CAMK1D: variants seen among roughly 807,000 people sequenced by gnomAD.
CAMK1D encodes the protein calcium/calmodulin dependent protein kinase ID, also known as calcium/calmodulin-dependent protein kinase type 1D.
In CAMK1D, 9 loss-of-function variants were observed where a neutral mutation model predicts 47.7. The observed-to-expected ratio is 0.19, with a 90% confidence interval of 0.11 to 0.33. CAMK1D has a LOEUF of 0.33. Among genes scored for constraint, CAMK1D ranks in the 10% least tolerant of loss-of-function variants. The pLI, the probability that CAMK1D is intolerant of heterozygous loss-of-function variation, is 1.00. For synonymous variants in CAMK1D, 184 were observed against 184.9 expected (o/e 0.99, Z 0.04); for missense variants, 291 against 488.7 (o/e 0.60, Z 3.81).
intron 2 of CAMK1D, among the ~76,000 whole-genome samples, chr10:12,626,978 A>G (rs1352095567): frequency 3.3e-5 from 5 of 152,178 alleles, no homozygotes; most frequent in Admixed American, 3.3e-4. Flanking sequence ...GCAAAATCAT[A>G]AGATATATTG....
chr10:12,630,879 G>A (rs892045249), intron 2 of CAMK1D, among the ~76,000 whole-genome samples: 1 of 152,164 alleles, frequency 6.6e-6, no homozygotes, highest in Non-Finnish European at 1.5e-5. Flanking sequence ...GGACTTCAGA[G>A]GGTGCACCCA....
At chr10:12,490,288 A>G (rs1834343074) in intron 1 of CAMK1D, among the ~76,000 whole-genome samples, 1 of 152,074 alleles carries the variant, frequency 6.6e-6, no homozygotes, top group South Asian at 2.1e-4. Flanking sequence ...TGTTCTTGGA[A>G]CTGTCATTAA....
At chr10:12,516,866 A>G (rs748043075) in intron 1 of CAMK1D, among the ~76,000 whole-genome samples, 2 of 152,234 alleles carry the variant, frequency 1.3e-5, no homozygotes, top group African/African-American at 4.8e-5. Flanking sequence ...AGAGTTCTTT[A>G]TAGATGTTGC....
chr10:12,448,018 A>AT (rs914244885), intron 1 of CAMK1D, among the ~76,000 whole-genome samples: 1 of 150,946 alleles, frequency 6.6e-6, no homozygotes, highest in African/African-American at 2.4e-5. Flanking sequence ...CACCTGGCTA[A>AT]TTTTTTTCTG....
intron 2 of CAMK1D, among the ~76,000 whole-genome samples, chr10:12,603,657 G>A (rs995572964): frequency 2.0e-5 from 3 of 152,210 alleles, no homozygotes; most frequent in Non-Finnish European, 2.9e-5. Context: ...ATTAGCACCC[G>A]CTGGGGATCA....
intron 2 of CAMK1D, among the ~76,000 whole-genome samples, chr10:12,594,653 T>G (rs1338436570): frequency 1.3e-5 from 2 of 152,236 alleles, no homozygotes; most frequent in Non-Finnish European, 2.9e-5. Context: ...ATAGAAACAT[T>G]TCCCATGGTT....
intron 3 of CAMK1D, among the ~76,000 whole-genome samples, chr10:12,681,989 G>T (rs1486134137): frequency 6.6e-6 from 1 of 152,244 alleles, no homozygotes; most frequent in Non-Finnish European, 1.5e-5. Flanking sequence ...GGAGGCCCAG[G>T]TGGGCAGATC....
At chr10:12,394,945 A>G (rs753461538) in intron 1 of CAMK1D, among the ~76,000 whole-genome samples, 3 of 152,044 alleles carry the variant, frequency 2.0e-5, no homozygotes, top group Non-Finnish European at 4.4e-5. Flanking sequence ...GGGCTGGGAC[A>G]TGGTGCTGGC....
chr10:12,776,639 G>C (rs1837257700), intron 5 of CAMK1D, among the ~76,000 whole-genome samples: 1 of 152,096 alleles, frequency 6.6e-6, no homozygotes, highest in East Asian at 1.9e-4. Flanking sequence ...ATATGTTATT[G>C]AATCATTAAC....
intron 9 of CAMK1D, 46 bp downstream of exon 9, chr10:12,824,598 G>C: frequency 6.9e-7 from 1 of 1,442,902 alleles, no homozygotes; most frequent in Non-Finnish European, 9.7e-7. Context: ...ACCCCCTCGT[G>C]ACACTGGCCC....
intron 1 of CAMK1D, among the ~76,000 whole-genome samples, chr10:12,537,121 G>T (rs1215228273): frequency 6.6e-6 from 1 of 151,968 alleles, no homozygotes; most frequent in African/African-American, 2.4e-5. Flanking sequence ...GCCCAGGCTG[G>T]AGTGCAGTGG....
intron 2 of CAMK1D, among the ~76,000 whole-genome samples, chr10:12,627,690 T>C (rs1378036516): frequency 1.3e-5 from 2 of 152,246 alleles, no homozygotes; most frequent in Non-Finnish European, 2.9e-5. Context: ...TTGAGCTTCA[T>C]TCATGCTGTT....
intron 1 of CAMK1D, chr10:12,456,505 T>C (rs1168715120): frequency 6.6e-6 from 1 of 152,118 alleles, no homozygotes; most frequent in Non-Finnish European, 1.5e-5. Flanking sequence ...AGTAAAGAAA[T>C]AGGTTAACAG....
At chr10:12,547,930 A>G (rs1290391244) in intron 1 of CAMK1D, among the ~76,000 whole-genome samples, 2 of 152,220 alleles carry the variant, frequency 1.3e-5, no homozygotes, top group African/African-American at 4.8e-5. Context: ...GCTAAATGAT[A>G]AAGCAGCTGG....
At chr10:12,409,137 G>A (rs944948964) in intron 1 of CAMK1D, among the ~76,000 whole-genome samples, 31 of 152,056 alleles carry the variant, frequency 2.0e-4, no homozygotes, top group African/African-American at 7.5e-4. Context: ...TATTACAGGC[G>A]TGAGCCACTG....
intron 3 of CAMK1D, among the ~76,000 whole-genome samples, chr10:12,759,268 C>T (rs959967196): frequency 3.9e-5 from 6 of 152,124 alleles, no homozygotes; most frequent in Admixed American, 6.6e-5. Flanking sequence ...GTGGGAGGAT[C>T]GCTTAAGCCC....
At chr10:12,732,675 C>T (rs1834946973) in intron 3 of CAMK1D, among the ~76,000 whole-genome samples, 1 of 104,006 alleles carries the variant, frequency 9.6e-6, no homozygotes, top group Non-Finnish European at 2.1e-5. Context: ...CCCCCGCCCC[C>T]CCCGCCCCCT....
In CAMK1D at chr10:12,564,219, T is replaced by C. The variant is rs765707196; in HGVS notation, c.224+10863T>C. 4.0e-5 allele frequency among the ~76,000 whole-genome samples: 6 copies of C among 151,368 alleles called. No homozygotes were observed. The East Asian group carries it at 7.8e-4, about 20-fold the overall frequency. On this transcript the variant is annotated intron_variant, in intron 2 of 10. Transcript: ENST00000619168. Reference sequence around the variant, plus strand: ...TTTTAAAAAGTCAGAATAGCTTACATTGGAGAACCACACTAATGAAAGATT... The same window carrying C: ...TTTTAAAAAGTCAGAATAGCTTACACTGGAGAACCACACTAATGAAAGATT...
chr10:12,554,299 G>A (rs1265504598), intron 2 of CAMK1D, among the ~76,000 whole-genome samples: 1 of 89,206 alleles, frequency 1.1e-5, no homozygotes. Flanking sequence ...GGGATTACAG[G>A]CATCTGCCAT....
Sources: gnomAD v4.1 joint callset for allele counts (sites outside exome capture counted in the v4.1 genomes callset) on GRCh38, gnomAD v4.1.1 for gene constraint, MANE v1.5 for transcripts, NCBI Gene and HGNC (gene_info 2026-07-23, HGNC 2026-07-21) for gene names.